The following ZNF69 variants were observed in gnomAD, a reference collection of about 807,000 sequenced individuals.
ZNF69 encodes the protein ZNF3.
In ZNF69, 47 loss-of-function variants were observed where a neutral mutation model predicts 50.9. The observed-to-expected ratio is 0.92, with a 90% CI of 0.73 to 1.18. ZNF69 has a LOEUF of 1.18. Ranked by LOEUF, ZNF69 falls within the 50% of genes most tolerant of loss-of-function variation. ZNF69 has a pLI of 0.00. For synonymous variants in ZNF69, 216 were observed against 223.1 expected, an observed-to-expected ratio of 0.97 and a Z score of 0.29; for missense variants, 717 against 675.1, an observed-to-expected ratio of 1.06 and a Z score of -0.69.
exon 5 of ZNF69, chr19:11,913,785 C>A (rs1353159543): frequency 1.2e-5 from 2 of 163,346 alleles, no homozygotes; most frequent in African/African-American, 4.8e-5. Flanking sequence ...TACCTGCTGT[C>A]AGCAAGTGTG....
intron 1 of ZNF69, among the ~76,000 whole-genome samples, chr19:11,897,983 ATAGT>A (rs965508423): frequency 2.6e-5 from 4 of 152,182 alleles, no homozygotes; most frequent in Non-Finnish European, 5.9e-5. Context: ...TAATTCACTG[ATAGT>A]TATTTCTGTA....
chr19:11,897,776 G>A (rs944231935), intron 1 of ZNF69, among the ~76,000 whole-genome samples: 2 of 150,980 alleles, frequency 1.3e-5, no homozygotes, highest in African/African-American at 4.9e-5. Context: ...GGAGGCTGAG[G>A]CAGGAGAATG....
the ZNF69 span, among the ~76,000 whole-genome samples, chr19:11,928,269 G>C: frequency 4.6e-5 from 7 of 152,286 alleles, no homozygotes; most frequent in East Asian, 1.3e-3. Context: ...TACAGATACA[G>C]ATATCAGCCA....
chr19:11,911,736 G>A (rs1430632841), intron 4 of ZNF69, among the ~76,000 whole-genome samples: 1 of 152,056 alleles, frequency 6.6e-6, no homozygotes, highest in Non-Finnish European at 1.5e-5. Context: ...AAGTTAATGG[G>A]TACAGCACAC....
chr19:11,894,704 TC>T (rs928397907), intron 1 of ZNF69, among the ~76,000 whole-genome samples: 1 of 152,134 alleles, frequency 6.6e-6, no homozygotes, highest in African/African-American at 2.4e-5. Flanking sequence ...GGAAGGAGAC[TC>T]CTAGTATACT....
the ZNF69 span, among the ~76,000 whole-genome samples, chr19:11,955,399 T>TC: frequency 2.0e-5 from 3 of 149,132 alleles, no homozygotes; most frequent in East Asian, 1.9e-4. Context: ...TTTCTTTCTT[T>TC]TTTTTTTTTT....
intron 3 of ZNF69, among the ~76,000 whole-genome samples, chr19:11,904,438 T>C (rs1185971540): frequency 6.6e-6 from 1 of 152,152 alleles, no homozygotes; most frequent in East Asian, 1.9e-4. Context: ...GGGAAGAGTA[T>C]TAAGAAGCCC....
intron 1 of ZNF69, among the ~76,000 whole-genome samples, chr19:11,901,348 G>A (rs1376757306): frequency 6.6e-6 from 1 of 152,136 alleles, no homozygotes; most frequent in Non-Finnish European, 1.5e-5. Context: ...GCCGACGTGT[G>A]AAAAATCAGA....
chr19:11,950,513 C>T, the ZNF69 span: 45 of 637,378 alleles, frequency 7.1e-5, 1 homozygote, highest in East Asian at 1.3e-3. Flanking sequence ...AAAGGACTTA[C>T]ACTGGAGTGA....
the ZNF69 span, chr19:11,979,475 G>A: frequency 1.2e-6 from 2 of 1,603,872 alleles, no homozygotes; most frequent in Non-Finnish European, 1.7e-6. Flanking sequence ...TAAGACATGT[G>A]GGAAAGGCTT....
chr19:11,962,887 G>A, the ZNF69 span, among the ~76,000 whole-genome samples: 1 of 152,152 alleles, frequency 6.6e-6, no homozygotes, highest in Non-Finnish European at 1.5e-5. Context: ...ATTTGATAAA[G>A]TTTAAAGGGA....
the ZNF69 span, chr19:11,977,289 A>G: frequency 6.2e-7 from 1 of 1,604,034 alleles, no homozygotes. Flanking sequence ...GCATGGCTGC[A>G]GTAAATCATA....
At chr19:11,950,122 G>A in the ZNF69 span, 6 of 1,613,958 alleles carry the variant, frequency 3.7e-6, no homozygotes, top group African/African-American at 2.7e-5. Flanking sequence ...AACACACATT[G>A]GAGAGAAACA....
the ZNF69 span, among the ~76,000 whole-genome samples, chr19:11,924,449 A>AG: frequency 2.0e-5 from 3 of 151,332 alleles, no homozygotes; most frequent in African/African-American, 7.3e-5. Context: ...AAAAAAAAAA[A>AG]AGAAAGAAAG....
chr19:11,948,855 C>G, the ZNF69 span: 6 of 1,606,550 alleles, frequency 3.7e-6, no homozygotes, highest in African/African-American at 8.1e-5. Flanking sequence ...GGGAGAAGCC[C>G]TATGAATGTA....
At chr19:11,969,296 C>T in the ZNF69 span, among the ~76,000 whole-genome samples, 3 of 152,174 alleles carry the variant, frequency 2.0e-5, no homozygotes, top group African/African-American at 4.8e-5. Flanking sequence ...GTAAAGACAG[C>T]GTTTTATCAC....
At chr19:11,925,380 T>C in the ZNF69 span, 2 of 1,527,676 alleles carry the variant, frequency 1.3e-6, no homozygotes, top group Non-Finnish European at 1.8e-6. Flanking sequence ...CTCCGGGGTC[T>C]GGGACCGAGT....
chr19:11,965,760 A>G, the ZNF69 span, among the ~76,000 whole-genome samples: 4 of 152,342 alleles, frequency 2.6e-5, no homozygotes, highest in African/African-American at 9.6e-5. Flanking sequence ...AGACCTTGGC[A>G]AGGGAAACAC....
chr19:11,965,970 A>G, the ZNF69 span, among the ~76,000 whole-genome samples: 5 of 152,210 alleles, frequency 3.3e-5, no homozygotes, highest in Non-Finnish European at 7.4e-5. Context: ...GTGGCAGTTG[A>G]TTGAGAGTGT....
Sources: gnomAD v4.1 joint callset for allele counts (sites outside exome capture counted in the v4.1 genomes callset) on GRCh38, gnomAD v4.1.1 for gene constraint, MANE v1.5 for transcripts, NCBI Gene and HGNC (gene_info 2026-07-23, HGNC 2026-07-21) for gene names.